The following PIBF1 variants were observed in gnomAD, a reference collection of about 807,000 sequenced individuals.
PIBF1 encodes the protein progesterone-induced-blocking factor 1.
A neutral mutation model predicts 112.5 loss-of-function variants in PIBF1; 90 were observed. The ratio of observed to expected loss-of-function variants is 0.80; its 90% CI spans 0.67 to 0.95. PIBF1 has a LOEUF of 0.95. Among genes scored for constraint, PIBF1 ranks in the 40% least tolerant of loss-of-function variants. PIBF1 has a pLI of 0.00. For missense variants in PIBF1, 915 were observed against 852.3 expected, an observed-to-expected ratio of 1.07 and a Z score of -0.92; for synonymous variants, 301 against 288.6, an observed-to-expected ratio of 1.04 and a Z score of -0.44.
rs148502626 is a variant in PIBF1, at chr13:72,998,849, G to A, written c.2077G>A (p.Val693Ile). 8.7e-5 allele frequency: 140 copies of A among 1,611,754 alleles called. No homozygotes were observed. The highest frequency in any genetic ancestry group is 6.7e-4 in the Admixed American group (40 of 59,654). The change falls in exon 17 of 18, where the codon GTT becomes ATT. Residue 693 changes from valine (V) to isoleucine (I), a missense_variant. By Grantham distance (29) the Val-to-Ile change is conservative. Coordinates refer to ENST00000326291, the MANE Select transcript of PIBF1 (RefSeq NM_006346.4). ...EELAAMKQIL[V>I]KMHSKHSENS... Reference sequence around the variant, plus strand: ...ATTGGCAGCAATGAAACAGATTCTCGTTAAGATGCATAGTAAACATTCTGA... The same window carrying A: ...ATTGGCAGCAATGAAACAGATTCTCATTAAGATGCATAGTAAACATTCTGA...
chr13:72,965,464 G>A (rs1594283876), intron 15 of PIBF1, 60 bp downstream of exon 15: 1 of 1,365,504 alleles, frequency 7.3e-7, no homozygotes, highest in Non-Finnish European at 1.0e-6. Context: ...TATTGCTGCT[G>A]TAGGTGAATT....
intron 5 of PIBF1, among the ~76,000 whole-genome samples, chr13:72,814,978 A>G (rs930492109): frequency 6.6e-6 from 1 of 152,222 alleles, no homozygotes; most frequent in Non-Finnish European, 1.5e-5. Flanking sequence ...TTACAAAAAT[A>G]AGTAAAAGTG....
chr13:72,977,635 G>A (rs961029838), intron 16 of PIBF1, among the ~76,000 whole-genome samples: 1 of 152,158 alleles, frequency 6.6e-6, no homozygotes, highest in Non-Finnish European at 1.5e-5. Flanking sequence ...AAAGCAAGTA[G>A]GACAATTCTA....
intron 5 of PIBF1, among the ~76,000 whole-genome samples, chr13:72,812,759 A>G (rs765372065): frequency 6.6e-6 from 1 of 151,840 alleles, no homozygotes; most frequent in Non-Finnish European, 1.5e-5. Context: ...TGGAAGACAG[A>G]ATGAGACCCT....
rs1001053679 is a variant in PIBF1, at chr13:72,868,670, C to T, written c.1322+14515C>T. On this transcript the variant is annotated intron_variant, in intron 10 of 17. Coordinates refer to ENST00000326291, the MANE Select transcript of PIBF1 (RefSeq NM_006346.4). ...ACTTGGTATCCAGTATAACCAATAT[C>T]ACCTCTTCATTATAGAAACAACCTC... Among the ~76,000 whole-genome samples the T allele has an allele frequency of 2.6e-5, 4 of 152,006 alleles. No individual in the cohort carries two copies. In the South Asian group the frequency reaches 6.2e-4, roughly 24 times the overall value.
intron 17 of PIBF1, among the ~76,000 whole-genome samples, chr13:72,999,832 G>A (rs1237219130): frequency 6.6e-6 from 1 of 152,166 alleles, no homozygotes; most frequent in Non-Finnish European, 1.5e-5. Flanking sequence ...ACTTTGGGAG[G>A]CCAAAGTGGG....
At chr13:72,945,797 A>G (rs751345153) in intron 14 of PIBF1, among the ~76,000 whole-genome samples, 9 of 152,224 alleles carry the variant, frequency 5.9e-5, no homozygotes, top group Non-Finnish European at 1.2e-4. Context: ...ATAAACATTT[A>G]AGAGTAATGA....
intron 5 of PIBF1, among the ~76,000 whole-genome samples, chr13:72,812,239 TG>T (rs1231968813): frequency 6.6e-6 from 1 of 152,226 alleles, no homozygotes; most frequent in Non-Finnish European, 1.5e-5. Context: ...AGATATGTTT[TG>T]GAGTATCTAA....
At chr13:72,932,896 T>A (rs2041753246) in intron 14 of PIBF1, among the ~76,000 whole-genome samples, 1 of 152,232 alleles carries the variant, frequency 6.6e-6, no homozygotes, top group South Asian at 2.1e-4. Flanking sequence ...ATTCTTTTCA[T>A]TGCTGAGTAA....
intron 16 of PIBF1, among the ~76,000 whole-genome samples, chr13:72,980,372 A>G (rs997927024): frequency 6.6e-6 from 1 of 152,238 alleles, no homozygotes; most frequent in Non-Finnish European, 1.5e-5. Context: ...AGTGACGAGC[A>G]TCAGGAAGAG....
At chr13:72,814,761 AC>A (rs1225434375) in intron 5 of PIBF1, among the ~76,000 whole-genome samples, 1 of 152,100 alleles carries the variant, frequency 6.6e-6, no homozygotes, top group Non-Finnish European at 1.5e-5. Flanking sequence ...AAAAATAAAT[AC>A]ATGTAGTACT....
At chr13:72,886,180 TC>T (rs1226101938) in intron 10 of PIBF1, among the ~76,000 whole-genome samples, 4 of 152,090 alleles carry the variant, frequency 2.6e-5, no homozygotes, top group African/African-American at 7.2e-5. Flanking sequence ...CATAAAAGCA[TC>T]CCCCTAAAAG....
intron 9 of PIBF1, among the ~76,000 whole-genome samples, chr13:72,848,962 A>G (rs564501399): frequency 6.6e-6 from 1 of 152,234 alleles, no homozygotes; most frequent in South Asian, 2.1e-4. Context: ...TTTTAATAGC[A>G]CCCTCTTTTA....
chr13:72,866,932 A>G (rs2038953786), intron 10 of PIBF1, among the ~76,000 whole-genome samples: 1 of 152,176 alleles, frequency 6.6e-6, no homozygotes, highest in Non-Finnish European at 1.5e-5. Context: ...AATTATTGCT[A>G]GATGTGAAGA....
At chr13:72,813,386 A>C (rs1247012292) in intron 5 of PIBF1, among the ~76,000 whole-genome samples, 1 of 152,260 alleles carries the variant, frequency 6.6e-6, no homozygotes, top group East Asian at 1.9e-4. Context: ...TGGGAAAGCT[A>C]GTGTTCCAGT....
chr13:72,790,545 A>AGATG (rs1173455312), intron 2 of PIBF1, among the ~76,000 whole-genome samples: 1 of 150,450 alleles, frequency 6.6e-6, no homozygotes, highest in Non-Finnish European at 1.5e-5. Context: ...ATAGATAGAT[A>AGATG]GATAGATAGA....
intron 17 of PIBF1, among the ~76,000 whole-genome samples, chr13:73,013,442 A>G (rs967619733): frequency 6.6e-6 from 1 of 151,804 alleles, no homozygotes; most frequent in Admixed American, 6.6e-5. Flanking sequence ...AGAAAGATAA[A>G]TGCAAAAAGA....
chr13:73,009,519 C>G (rs1178309057), intron 17 of PIBF1, among the ~76,000 whole-genome samples: 1 of 152,048 alleles, frequency 6.6e-6, no homozygotes, highest in Non-Finnish European at 1.5e-5. Context: ...AAACTAATCC[C>G]AAGTACAAAT....
intron 11 of PIBF1, among the ~76,000 whole-genome samples, chr13:72,904,429 A>ATTTTTTTTTTTTTTTTTTTTTTTTTTTT (rs1240090172): frequency 3.9e-5 from 2 of 51,092 alleles, no homozygotes; most frequent in Non-Finnish European, 7.2e-5. Flanking sequence ...ATATCAAAAT[A>ATTTTTTTTTTTTTTTTTTTTTTTTTTTT]TTTCTTTTTT....
Sources: allele counts gnomAD v4.1 joint callset (sites outside exome capture counted in the v4.1 genomes callset), GRCh38; gene constraint gnomAD v4.1.1; transcripts MANE v1.5; gene names NCBI Gene and HGNC (gene_info 2026-07-23, HGNC 2026-07-21).